RGPD3: variants seen among roughly 807,000 people sequenced by gnomAD.
The protein encoded by RGPD3 is RANBP2 like and GRIP domain containing 3.
RGPD3 carries 62 observed loss-of-function variants against 154.5 expected under a neutral mutation model. That is an observed-to-expected ratio of 0.40 (90% CI 0.33 to 0.50). The LOEUF is 0.50. RGPD3 is among the 20% of genes least tolerant of loss of function. The pLI, the probability that RGPD3 is intolerant of heterozygous loss-of-function variation, is 0.59. For missense variants in RGPD3, 919 were observed against 1,716.8 expected, an observed-to-expected ratio of 0.54 and a Z score of 8.21; for synonymous variants, 308 against 607.0, an observed-to-expected ratio of 0.51 and a Z score of 7.24.
chr2:106,468,162 T>G lies in RGPD3; in HGVS notation c.72+55A>C. 4 of 1,548,708 alleles carry G rather than the reference T, an allele frequency of 2.6e-6. No homozygotes were observed. In the Admixed American group the frequency reaches 7.8e-5, roughly 30 times the overall value. On this transcript the variant is annotated intron_variant, in intron 1 of 22. Transcript: ENST00000409886. ...CCATCGAGGCCGCCGCCGGGCCGGG[T>G]CGAGGCCGCCGCCCGGCCAGGTCGA...
intron 1 of RGPD3, among the ~76,000 whole-genome samples, chr2:106,463,801 T>G (rs904538179): frequency 2.2e-4 from 33 of 152,130 alleles, no homozygotes; most frequent in Middle Eastern, 3.2e-3. Flanking sequence ...ATTTGAGGGT[T>G]TAAGTTGCTG....
chr2:106,407,320 T>C (rs1454398286), intron 22 of RGPD3, among the ~76,000 whole-genome samples: 1 of 152,076 alleles, frequency 6.6e-6, no homozygotes, highest in African/African-American at 2.4e-5. Context: ...AAATAACTCA[T>C]TAGGTTAGCC....
chr2:106,451,842 TG>T (rs1255986437), intron 6 of RGPD3, among the ~76,000 whole-genome samples: 1 of 151,970 alleles, frequency 6.6e-6, no homozygotes, highest in Non-Finnish European at 1.5e-5. Context: ...AGCCATCTGA[TG>T]ACAGATGAAC....
At chr2:106,465,683 G>A (rs1573307389) in intron 1 of RGPD3, among the ~76,000 whole-genome samples, 1 of 151,326 alleles carries the variant, frequency 6.6e-6, no homozygotes, top group South Asian at 2.1e-4. Flanking sequence ...TTGTGGAAAA[G>A]GTTAAAAATT....
intron 20 of RGPD3, among the ~76,000 whole-genome samples, chr2:106,418,420 T>A (rs1453734349): frequency 2.0e-5 from 3 of 151,726 alleles, no homozygotes; most frequent in African/African-American, 7.3e-5. Flanking sequence ...ACATCCTCAA[T>A]CACTGCCCTT....
upstream of RGPD3, chr2:106,470,803 C>T (rs199694355): frequency 1.2e-6 from 2 of 1,602,074 alleles, no homozygotes; most frequent in South Asian, 1.1e-5. Flanking sequence ...TTTCTTACCT[C>T]GTCCAATGAT....
At position 106,417,610 on chromosome 2, in the gene RGPD3, G is replaced by A. The variant is rs574524797; in HGVS notation, c.4925-1621C>T. On this transcript the variant is annotated intron_variant, in intron 20 of 22. Coordinates refer to ENST00000409886, the MANE Select transcript of RGPD3 (RefSeq NM_001144013.2). The stretch of plus-strand genomic sequence containing the variant: ...GGTTACAGTGTGCATGTCTAGAAGC[G>A]GGAGGTCTGTGTTTCTCCTTTCTCG... Among the ~76,000 whole-genome samples, 209 of 149,752 alleles carry A rather than the reference G, an allele frequency of 1.4e-3. 9 individuals carry two copies. The highest frequency in any genetic ancestry group is 4.9e-3 in the African/African-American group (194 of 39,848).
chr2:106,468,170 G>A (rs769571432), intron 1 of RGPD3, 47 bp downstream of exon 1: 8 of 1,560,214 alleles, frequency 5.1e-6, no homozygotes, highest in East Asian at 2.4e-5. Flanking sequence ...GGTCGAGGCC[G>A]CCGCCCGGCC....
At chr2:106,420,664 T>C (rs1272557356) in intron 20 of RGPD3, among the ~76,000 whole-genome samples, 2 of 152,312 alleles carry the variant, frequency 1.3e-5, no homozygotes, top group African/African-American at 4.8e-5. Context: ...GTTAAAATGA[T>C]ATTCTGGACA....
intron 8 of RGPD3, among the ~76,000 whole-genome samples, chr2:106,440,421 A>C (rs987159295): frequency 6.6e-6 from 1 of 151,862 alleles, no homozygotes; most frequent in Non-Finnish European, 1.5e-5. Context: ...AAAGATATAA[A>C]AAAAAATACA....
At chr2:106,407,534 C>T (rs1269062757) in intron 22 of RGPD3, among the ~76,000 whole-genome samples, 1 of 150,418 alleles carries the variant, frequency 6.6e-6, no homozygotes. Flanking sequence ...ATAAAGAGAA[C>T]CAGATGACTA....
intron 6 of RGPD3, among the ~76,000 whole-genome samples, chr2:106,451,080 T>TA (rs1252030680): frequency 6.4e-5 from 4 of 62,978 alleles, no homozygotes; most frequent in African/African-American, 2.4e-4. Context: ...AGAGCAAGAC[T>TA]CCCTCTCAAA....
chr2:106,468,198 C>G lies in RGPD3; in HGVS notation c.72+19G>C, dbSNP rs1189659857. 2 of 1,598,408 alleles carry G rather than the reference C, an allele frequency of 1.3e-6. No individual in the cohort carries two copies. The highest frequency in any genetic ancestry group is 2.7e-5 in the African/African-American group (2 of 74,564). ...GCCCGGCCAGGTCGAGGCCGTCGGT[C>G]TCTTCCAGACCCACTCACCTTTCGA... On this transcript the variant is annotated intron_variant, in intron 1 of 22. Transcript: ENST00000409886.
intron 22 of RGPD3, among the ~76,000 whole-genome samples, chr2:106,409,492 A>C (rs1676606840): frequency 2.6e-5 from 4 of 152,188 alleles, no homozygotes; most frequent in Non-Finnish European, 5.9e-5. Context: ...TATTTCTTTT[A>C]GTACATGAGA....
chr2:106,409,472 G>A (rs1270808401), intron 22 of RGPD3, among the ~76,000 whole-genome samples: 34 of 152,124 alleles, frequency 2.2e-4, no homozygotes, highest in Non-Finnish European at 4.4e-5. Context: ...AAATATAAAA[G>A]GTTGGCAGTT....
At chr2:106,438,633 A>G (rs1677649781) in intron 9 of RGPD3, among the ~76,000 whole-genome samples, 1 of 152,074 alleles carries the variant, frequency 6.6e-6, no homozygotes, top group African/African-American at 2.4e-5. Flanking sequence ...ACTACAAAAA[A>G]TTAGCCGGGC....
At chr2:106,468,139 ATCGAGGCCGCCGCCGGGCCGGG>A (rs1175289895) in intron 1 of RGPD3, 56 bp downstream of exon 1, 373 of 1,515,238 alleles carry the variant, frequency 2.5e-4, no homozygotes, top group African/African-American at 2.1e-3. Context: ...CGCCTGAGCC[ATCGAGGCCGCCGCCGGGCCGGG>A]TCGAGGCCGC....
Position 106,442,543 on chromosome 2 carries a change from G to A in RGPD3, c.979-1163C>T, listed in dbSNP as rs1425824571. Among the ~76,000 whole-genome samples, 9 of 136,450 alleles carry A rather than the reference G, an allele frequency of 6.6e-5. 1 individual carries two copies. The highest frequency in any genetic ancestry group is 2.2e-4 in the Admixed American group (3 of 13,540). The allele number at this position is 136,450 out of a possible 152,430, so 89.5% of individuals were successfully genotyped here. A position where few individuals can be genotyped will look rare whatever the true frequency, so the allele number is the denominator to read the frequency against. On this transcript the variant is annotated intron_variant, in intron 7 of 22. Coordinates refer to ENST00000409886, the MANE Select transcript of RGPD3 (RefSeq NM_001144013.2). ...ATGAATAGAATGGCGAAGGGAAGAC[G>A]TGACAGCTGCCTTCAAATATTAAAA...
chr2:106,466,092 T>C (rs28520249), intron 1 of RGPD3, among the ~76,000 whole-genome samples: 4,580 of 146,422 alleles, frequency 0.031, 138 homozygotes, highest in Non-Finnish European at 0.047. Context: ...CCCCGAGAAC[T>C]AGGCCGCGCG....
Sources: allele counts gnomAD v4.1 joint callset (sites outside exome capture counted in the v4.1 genomes callset), GRCh38; gene constraint gnomAD v4.1.1; transcripts MANE v1.5; gene names NCBI Gene and HGNC (gene_info 2026-07-23, HGNC 2026-07-21).